The following HHAT variants were observed in gnomAD, a reference collection of about 807,000 sequenced individuals.
HHAT encodes protein-cysteine N-palmitoyltransferase HHAT.
In HHAT, 47 loss-of-function variants were observed where a neutral mutation model predicts 70.8. The observed-to-expected ratio is 0.66, with a 90% CI of 0.53 to 0.85. HHAT has a LOEUF of 0.85. Among genes scored for constraint, HHAT ranks in the 40% least tolerant of loss-of-function variants. The pLI is 0.00. For synonymous variants in HHAT, 228 were observed against 247.6 expected, an observed-to-expected ratio of 0.92 and a Z score of 0.74; for missense variants, 609 against 604.8, an observed-to-expected ratio of 1.01 and a Z score of -0.07.
intron 3 of HHAT, among the ~76,000 whole-genome samples, chr1:210,380,693 C>T (rs1470890032): frequency 6.6e-6 from 1 of 152,084 alleles, no homozygotes; most frequent in African/African-American, 2.4e-5. Flanking sequence ...TGGGAGAAGG[C>T]TTGCCTGAGC....
chr1:210,377,363 A>G (rs777904717), intron 3 of HHAT, among the ~76,000 whole-genome samples: 15 of 151,966 alleles, frequency 9.9e-5, no homozygotes, highest in Non-Finnish European at 1.8e-4. Flanking sequence ...TGTTTTTCCA[A>G]TTTGAGAGAT....
intron 8 of HHAT, among the ~76,000 whole-genome samples, chr1:210,508,777 G>C (rs968820976): frequency 6.6e-5 from 10 of 152,196 alleles, no homozygotes; most frequent in African/African-American, 2.4e-4. Flanking sequence ...ACTAATCCGA[G>C]TTATAGAAAT....
chr1:210,350,286 A>G (rs898004727), intron 2 of HHAT, among the ~76,000 whole-genome samples: 6 of 152,350 alleles, frequency 3.9e-5, no homozygotes, highest in African/African-American at 1.2e-4. Context: ...AAATGGACTA[A>G]TAAACTGTGG....
At chr1:210,580,748 C>A (rs1331834021) in intron 9 of HHAT, among the ~76,000 whole-genome samples, 3 of 151,636 alleles carry the variant, frequency 2.0e-5, no homozygotes, top group Non-Finnish European at 4.4e-5. Context: ...GGGTTGGTTC[C>A]AAGTCTTTGC....
chr1:210,407,724 C>A, intron 6 of HHAT, among the ~76,000 whole-genome samples: 1 of 152,156 alleles, frequency 6.6e-6, no homozygotes, highest in East Asian at 1.9e-4. Flanking sequence ...CTGTGGAACT[C>A]GGATACCAAG....
chr1:210,485,765 A>G (rs889725566), intron 8 of HHAT, among the ~76,000 whole-genome samples: 1 of 152,100 alleles, frequency 6.6e-6, no homozygotes, highest in African/African-American at 2.4e-5. Flanking sequence ...AGTCACCACC[A>G]TAAGAACAGT....
chr1:210,458,134 C>T (rs1419649607), intron 7 of HHAT, among the ~76,000 whole-genome samples: 1 of 151,604 alleles, frequency 6.6e-6, no homozygotes, highest in African/African-American at 2.4e-5. Flanking sequence ...GATTTTGGAG[C>T]CAAGAGACCT....
At chr1:210,535,884 A>G (rs549805125) in intron 9 of HHAT, among the ~76,000 whole-genome samples, 26 of 152,336 alleles carry the variant, frequency 1.7e-4, no homozygotes, top group Middle Eastern at 3.4e-3. Context: ...AACCAATAGC[A>G]TGGCCCCTTT....
At chr1:210,533,925 G>C (rs944834330) in intron 9 of HHAT, among the ~76,000 whole-genome samples, 3 of 152,172 alleles carry the variant, frequency 2.0e-5, no homozygotes, top group Non-Finnish European at 4.4e-5. Flanking sequence ...GCTGGCACCT[G>C]GCGGCTTGGT....
chr1:210,349,550 A>G (rs61384712), intron 2 of HHAT, among the ~76,000 whole-genome samples: 2,505 of 151,886 alleles, frequency 0.016, 75 homozygotes, highest in African/African-American at 0.057. Context: ...AAGGAGCACT[A>G]GTCACTCCTG....
chr1:210,400,359 C>T (rs1480382680), intron 4 of HHAT, 109 bp from the exon 5 acceptor site: 4 of 984,336 alleles, frequency 4.1e-6, no homozygotes, highest in Non-Finnish European at 5.8e-6. Context: ...AAACGTGATC[C>T]TCTTACATGT....
intron 9 of HHAT, among the ~76,000 whole-genome samples, chr1:210,517,269 G>A (rs749927912): frequency 3.9e-5 from 6 of 152,146 alleles, no homozygotes; most frequent in African/African-American, 1.2e-4. Flanking sequence ...GCTGACTGAG[G>A]CATTTTTCTT....
chr1:210,654,385 A>ACTAAACTGTAG (rs1280717992), intron 11 of HHAT, among the ~76,000 whole-genome samples: 2 of 152,112 alleles, frequency 1.3e-5, no homozygotes, highest in East Asian at 3.8e-4. Context: ...CCCTCCCTCC[A>ACTAAACTGTAG]CTAAACTGTA....
rs147826172 is a variant in HHAT, at chr1:210,601,937, C to CAGAGAGAGAGAG, written c.1245+13847_1245+13858dup. 3.2e-3 allele frequency among the ~76,000 whole-genome samples: 465 copies of CAGAGAGAGAGAG among 147,326 alleles called. 4 individuals carry two copies. The highest frequency in any genetic ancestry group is 0.01 in the African/African-American group (403 of 39,566). ...TGGAGCCATGAGAATATTTGAGACT[C>CAGAGAGAGAGAG]AGAGAGAGAGAGAGAGAGAGTATGT... On this transcript the variant is annotated intron_variant, in intron 10 of 11. Transcript: ENST00000261458.
chr1:210,518,684 T>C (rs1421452854), intron 9 of HHAT, among the ~76,000 whole-genome samples: 1 of 152,032 alleles, frequency 6.6e-6, no homozygotes, highest in Non-Finnish European at 1.5e-5. Context: ...TCCTAGCTAC[T>C]TGGGAGGCTG....
At chr1:210,466,378 AC>A (rs1459345466) in intron 8 of HHAT, among the ~76,000 whole-genome samples, 1 of 152,228 alleles carries the variant, frequency 6.6e-6, no homozygotes, top group Non-Finnish European at 1.5e-5. Flanking sequence ...GTGCTCTCTA[AC>A]TAGAAGGCCA....
chr1:210,497,238 T>C (rs2094664651), intron 8 of HHAT, among the ~76,000 whole-genome samples: 1 of 152,240 alleles, frequency 6.6e-6, no homozygotes, highest in Non-Finnish European at 1.5e-5. Context: ...ATTTGTGTAA[T>C]ATAATTTGAT....
At chr1:210,588,561 C>G (rs182944605) in intron 10 of HHAT, 1 of 153,616 alleles carries the variant, frequency 6.5e-6, no homozygotes, top group Admixed American at 6.4e-5. Flanking sequence ...GTGGATATGC[C>G]ATAATTTATT....
At chr1:210,629,167 T>C (rs1670400963) in intron 11 of HHAT, among the ~76,000 whole-genome samples, 1 of 152,238 alleles carries the variant, frequency 6.6e-6, no homozygotes, top group Non-Finnish European at 1.5e-5. Context: ...ATGACCATTC[T>C]TGGAATCTGA....
Sources: allele counts gnomAD v4.1 joint callset (sites outside exome capture counted in the v4.1 genomes callset), GRCh38; gene constraint gnomAD v4.1.1; transcripts MANE v1.5; gene names NCBI Gene and HGNC (gene_info 2026-07-23, HGNC 2026-07-21).